Variants in VTI1A observed in about 807,000 individuals in gnomAD.
VTI1A encodes vesicle transport through interaction with t-SNAREs homolog 1A.
Under a neutral mutation model 34.9 loss-of-function variants are expected in VTI1A, and 22 were observed. The ratio of observed to expected loss-of-function variants is 0.63; its 90% CI spans 0.45 to 0.90. The LOEUF is 0.90. VTI1A is among the 40% of genes least tolerant of loss of function. The probability of loss-of-function intolerance (pLI) is 0.00; values close to 1 mark genes in which losing one functional copy is unlikely to be tolerated. For missense variants in VTI1A, 268 were observed against 275.6 expected, an observed-to-expected ratio of 0.97 and a Z score of 0.20; for synonymous variants, 87 against 97.3, an observed-to-expected ratio of 0.89 and a Z score of 0.62.
chr10:112,447,252 G>C lies in VTI1A; in HGVS notation c.-122G>C, dbSNP rs1428390415. Reference sequence around the variant, plus strand: ...AGCGGCTGGGTTGAGAGCTGTCCCCGGTTCTCCGTTCTGCTCTCGGGGGCA... The same window carrying C: ...AGCGGCTGGGTTGAGAGCTGTCCCCCGTTCTCCGTTCTGCTCTCGGGGGCA... On this transcript the variant is annotated 5_prime_UTR_variant, in exon 1 of 8. Transcript: ENST00000393077. The C allele has an allele frequency of 2.9e-6, 3 of 1,041,918 alleles. No individual in the cohort carries two copies. Among genetic ancestry groups the C allele is most frequent in the Non-Finnish European group, 4.2e-6 (3 of 718,692 alleles). The allele number at this position is 1,041,918 out of a possible 1,614,324, so 64.5% of individuals were successfully genotyped here.
chr10:112,807,564 TAATG>T (rs1210147901), intron 7 of VTI1A, among the ~76,000 whole-genome samples: 1 of 151,816 alleles, frequency 6.6e-6, no homozygotes, highest in Non-Finnish European at 1.5e-5. Context: ...TCAAGATCCT[TAATG>T]AAGTCCAGCT....
chr10:112,599,003 T>G (rs1258656737), intron 5 of VTI1A, among the ~76,000 whole-genome samples: 3 of 152,218 alleles, frequency 2.0e-5, no homozygotes, highest in African/African-American at 7.2e-5. Flanking sequence ...CCTTCCTTCA[T>G]TCAGTCAATC....
intron 7 of VTI1A, among the ~76,000 whole-genome samples, chr10:112,801,172 A>T (rs1852864622): frequency 6.6e-6 from 1 of 152,038 alleles, no homozygotes; most frequent in Non-Finnish European, 1.5e-5. Context: ...GGCCAGCAGG[A>T]GGTGGGAGGG....
the VTI1A span, chr10:112,827,591 A>G: frequency 6.6e-6 from 1 of 152,068 alleles, no homozygotes; most frequent in African/African-American, 2.4e-5. Context: ...GCTTTATTCC[A>G]TCAAGTAATT....
At chr10:112,707,342 T>A (rs1210550725) in intron 7 of VTI1A, among the ~76,000 whole-genome samples, 2 of 152,122 alleles carry the variant, frequency 1.3e-5, no homozygotes, top group African/African-American at 4.8e-5. Flanking sequence ...CTAACTATTT[T>A]TTTTTTATTG....
At chr10:112,850,560 T>A in the VTI1A span, among the ~76,000 whole-genome samples, 3 of 152,058 alleles carry the variant, frequency 2.0e-5, no homozygotes, top group African/African-American at 7.2e-5. Flanking sequence ...CAGAAGCAGA[T>A]TTTCTGTGAA....
Position 112,676,900 on chromosome 10 carries a change from C to T in VTI1A, c.560+7902C>T, listed in dbSNP as rs1039760528. Among the ~76,000 whole-genome samples, 8 of 152,310 alleles carry T rather than the reference C, an allele frequency of 5.3e-5. No individual in the cohort carries two copies. The South Asian group carries it at 1.7e-3, about 32-fold the overall frequency. On this transcript the variant is annotated intron_variant, in intron 7 of 7. Coordinates refer to ENST00000393077, the MANE Select transcript of VTI1A (RefSeq NM_145206.4). ...GGACTGGGTCTTGCTCTTTCCGTCT[C>T]GCATCTCAGATCACTTATGGATGGG... is the stretch of plus-strand genomic sequence containing the variant.
At chr10:112,813,469 G>A (rs975818178) in intron 7 of VTI1A, among the ~76,000 whole-genome samples, 32 of 152,196 alleles carry the variant, frequency 2.1e-4, no homozygotes, top group Non-Finnish European at 4.4e-4. Flanking sequence ...TCCTTTGCAA[G>A]TCTGATGCGG....
chr10:112,588,658 G>A (rs750829575), intron 5 of VTI1A, among the ~76,000 whole-genome samples: 59 of 152,194 alleles, frequency 3.9e-4, no homozygotes, highest in Non-Finnish European at 6.6e-4. Context: ...AAAACTGCAA[G>A]TAGCAAGTAG....
intron 3 of VTI1A, among the ~76,000 whole-genome samples, chr10:112,499,842 C>T (rs1849162594): frequency 1.3e-5 from 2 of 152,166 alleles, no homozygotes; most frequent in South Asian, 4.1e-4. Flanking sequence ...ATATCTCTCC[C>T]TCCATCTTCA....
chr10:112,507,538 C>T (rs1403046397), intron 3 of VTI1A, among the ~76,000 whole-genome samples: 3 of 152,192 alleles, frequency 2.0e-5, no homozygotes, highest in South Asian at 4.1e-4. Flanking sequence ...AGGTTTCCAT[C>T]AGCTTTTCTG....
chr10:112,469,789 T>G (rs1848018089), intron 3 of VTI1A, among the ~76,000 whole-genome samples: 1 of 152,214 alleles, frequency 6.6e-6, no homozygotes, highest in South Asian at 2.1e-4. Context: ...CATATGCAAG[T>G]TCATTTTCAG....
intron 5 of VTI1A, among the ~76,000 whole-genome samples, chr10:112,546,130 CATATATATGTGTGTGCGT>C (rs1311051876): frequency 6.9e-6 from 1 of 144,580 alleles, no homozygotes; most frequent in African/African-American, 2.5e-5. Flanking sequence ...GTGTATTTTG[CATATATATGTGTGTGCGT>C]ATATATGTGT....
intron 7 of VTI1A, among the ~76,000 whole-genome samples, chr10:112,678,874 C>T (rs896152053): frequency 1.7e-4 from 26 of 152,112 alleles, no homozygotes; most frequent in African/African-American, 4.3e-4. Flanking sequence ...ACATCACAAA[C>T]GCAGGAGGAC....
At chr10:112,469,974 A>G (rs1044051789) in intron 3 of VTI1A, among the ~76,000 whole-genome samples, 2 of 152,196 alleles carry the variant, frequency 1.3e-5, no homozygotes, top group Non-Finnish European at 2.9e-5. Context: ...CGTGTGCTGC[A>G]ATTGGGAAAG....
chr10:112,536,201 A>G (rs1455972108), intron 4 of VTI1A, among the ~76,000 whole-genome samples: 1 of 150,816 alleles, frequency 6.6e-6, no homozygotes, highest in Admixed American at 6.7e-5. Context: ...TAATTTTGGG[A>G]TTTCATCCAA....
intron 3 of VTI1A, among the ~76,000 whole-genome samples, chr10:112,469,886 A>G (rs1235108678): frequency 6.6e-6 from 1 of 152,162 alleles, no homozygotes; most frequent in Admixed American, 6.5e-5. Flanking sequence ...ATGTTTGATG[A>G]TGCATCCCAG....
At chr10:112,503,774 T>C (rs1269764339) in intron 3 of VTI1A, among the ~76,000 whole-genome samples, 2 of 152,200 alleles carry the variant, frequency 1.3e-5, no homozygotes, top group Non-Finnish European at 2.9e-5. Flanking sequence ...ATTTCTGTTG[T>C]AATCTCTTGG....
At chr10:112,808,458 T>G (rs1000419502) in intron 7 of VTI1A, among the ~76,000 whole-genome samples, 55 of 151,872 alleles carry the variant, frequency 3.6e-4, no homozygotes, top group African/African-American at 1.2e-3. Context: ...AAACCTCATC[T>G]CTACTAAAAA....
Sources: allele counts gnomAD v4.1 joint callset (sites outside exome capture counted in the v4.1 genomes callset), GRCh38; gene constraint gnomAD v4.1.1; transcripts MANE v1.5; gene names NCBI Gene and HGNC (gene_info 2026-07-23, HGNC 2026-07-21).